Variants in CDH10 observed in about 807,000 individuals in gnomAD.
CDH10 encodes cadherin 10, also known as cadherin-10.
Under a neutral mutation model 73.1 loss-of-function variants are expected in CDH10, and 30 were observed. That is an observed-to-expected ratio of 0.41 (90% CI 0.31 to 0.56). The LOEUF (loss-of-function observed/expected upper bound fraction) is 0.56. Among genes scored for constraint, CDH10 ranks in the 20% least tolerant of loss-of-function variants. CDH10 has a pLI of 0.27. For synonymous variants in CDH10, 345 were observed against 348.2 expected (o/e 0.99, Z 0.10); for missense variants, 815 against 973.7 (o/e 0.84, Z 2.17).
intron 5 of CDH10, among the ~76,000 whole-genome samples, chr5:24,517,924 T>C (rs4235529): frequency 0.95 from 144,717 of 152,194 alleles, 68,897 homozygotes; most frequent in East Asian, 1. Context: ...GGTTTAAGGG[T>C]GATCCAGATG....
rs553525385 is a variant in CDH10, at chr5:24,591,426, G to A, written c.231+1834C>T. 2.6e-3 allele frequency among the ~76,000 whole-genome samples: 398 copies of A among 152,008 alleles called. 2 individuals carry two copies. The highest frequency in any genetic ancestry group is 4.9e-3 in the Admixed American group (74 of 15,250). On this transcript the variant is annotated intron_variant, in intron 2 of 11. Coordinates refer to ENST00000264463, the MANE Select transcript of CDH10 (RefSeq NM_006727.5). ...AGTTCAGCACAGTCTACATGGAAAA[G>A]AACTGATGAACACATTCATAAATTC...
At chr5:24,608,755 C>A (rs750344001) in intron 1 of CDH10, among the ~76,000 whole-genome samples, 9 of 152,166 alleles carry the variant, frequency 5.9e-5, no homozygotes, top group Admixed American at 5.9e-4. Flanking sequence ...GAACCAGATA[C>A]TTTGCTATAT....
At position 24,598,137 on chromosome 5, in the gene CDH10, C is replaced by T. The variant is rs566677435; in HGVS notation, c.-123-4524G>A. On this transcript the variant is annotated intron_variant, in intron 1 of 11. Transcript: ENST00000264463. Reference sequence around the variant, plus strand: ...AAAATGAGTCAGTGCATACTAAATGCATACTAAATACTTCCTTTTTATTCA... The same window carrying T: ...AAAATGAGTCAGTGCATACTAAATGTATACTAAATACTTCCTTTTTATTCA... 5.3e-5 allele frequency among the ~76,000 whole-genome samples: 8 copies of T among 151,960 alleles called. No homozygotes were observed. In the East Asian group the frequency reaches 1.6e-3, roughly 29 times the overall value.
At chr5:24,589,125 T>C (rs1373360272) in intron 2 of CDH10, among the ~76,000 whole-genome samples, 6 of 152,104 alleles carry the variant, frequency 3.9e-5, no homozygotes, top group African/African-American at 1.4e-4. Context: ...AATACTGGAG[T>C]GGTACCTAGA....
chr5:24,614,855 C>T lies in CDH10; in HGVS notation c.-123-21242G>A, dbSNP rs532717404. Reference sequence around the variant, plus strand: ...CTAATTATTCTGTGAAAATCCAAGGCGGCAGGACTTATTTTTTGTGTGGTT... The same window carrying T: ...CTAATTATTCTGTGAAAATCCAAGGTGGCAGGACTTATTTTTTGTGTGGTT... On this transcript the variant is annotated intron_variant, in intron 1 of 11. Coordinates refer to ENST00000264463, the MANE Select transcript of CDH10 (RefSeq NM_006727.5). Among the ~76,000 whole-genome samples, 3 of 152,268 alleles carry T rather than the reference C, an allele frequency of 2.0e-5. No individual in the cohort carries two copies. The East Asian group carries it at 5.8e-4, about 29-fold the overall frequency.
At chr5:24,533,598 G>C (rs540914673) in intron 5 of CDH10, among the ~76,000 whole-genome samples, 68 of 151,964 alleles carry the variant, frequency 4.5e-4, no homozygotes, top group African/African-American at 1.3e-3. Flanking sequence ...GCTCATTGTG[G>C]ATTATGCAAT....
chr5:24,498,607 C>A (rs1330148481), intron 8 of CDH10, 88 bp from the exon 9 acceptor site: 1 of 805,596 alleles, frequency 1.2e-6, no homozygotes, highest in South Asian at 1.7e-5. Context: ...GTATGAAGTG[C>A]TCACATACAA....
intron 5 of CDH10, among the ~76,000 whole-genome samples, chr5:24,512,856 C>G (rs1742968834): frequency 6.6e-6 from 1 of 151,380 alleles, no homozygotes; most frequent in Non-Finnish European, 1.5e-5. Context: ...TAGCTTGTCA[C>G]AGTCTTGCCT....
In CDH10 at chr5:24,537,523, C is replaced by T. The variant is rs369925572; in HGVS notation, c.383G>A (p.Arg128His). ...DREEKAFYTL[R>H]AQAINRRTLR... ...AGTTCTTCTGTTAATAGCTTGTGCGCGTAGAGTATAAAAGGCCTTTTCCTC... is the reference window on the plus strand; with the variant it reads ...AGTTCTTCTGTTAATAGCTTGTGCGTGTAGAGTATAAAAGGCCTTTTCCTC... Residue 128 changes from arginine (R) to histidine (H), a missense_variant, in exon 3 of 12, where the codon CGC becomes CAC. Transcript: ENST00000264463. 1.2e-5 allele frequency: 20 copies of T among 1,613,156 alleles called. No homozygotes were observed. The highest frequency in any genetic ancestry group is 3.3e-5 in the Admixed American group (2 of 59,902).
At chr5:24,643,814 C>T (rs1748131651) in intron 1 of CDH10, among the ~76,000 whole-genome samples, 1 of 152,196 alleles carries the variant, frequency 6.6e-6, no homozygotes, top group Non-Finnish European at 1.5e-5. Context: ...AGTTACAGTG[C>T]TATCAATAGT....
intron 2 of CDH10, among the ~76,000 whole-genome samples, chr5:24,567,918 T>C (rs1200098931): frequency 6.6e-6 from 1 of 152,114 alleles, no homozygotes; most frequent in Non-Finnish European, 1.5e-5. Flanking sequence ...GTCAGCAGTG[T>C]TGATATAAAA....
At chr5:24,615,785 G>A (rs575458255) in intron 1 of CDH10, among the ~76,000 whole-genome samples, 2 of 152,216 alleles carry the variant, frequency 1.3e-5, no homozygotes, top group South Asian at 4.1e-4. Flanking sequence ...AATCATATAT[G>A]CAATTCAACA....
At chr5:24,572,349 T>A (rs1327946382) in intron 2 of CDH10, among the ~76,000 whole-genome samples, 4 of 152,014 alleles carry the variant, frequency 2.6e-5, no homozygotes, top group African/African-American at 9.7e-5. Flanking sequence ...ATTCGGCAGA[T>A]CTAGAAGGAA....
chr5:24,505,234 C>T lies in CDH10; in HGVS notation c.1271G>A (p.Arg424His), dbSNP rs770143615. The T allele has an allele frequency of 1.1e-5, 17 of 1,612,190 alleles. No individual in the cohort carries two copies. The highest frequency in any genetic ancestry group is 4.5e-5 in the East Asian group (2 of 44,780). Residue 424 changes from arginine (R) to histidine (H), a missense_variant, in exon 8 of 12, where the codon CGC (arginine) becomes CAC (histidine). Arg to His is a conservative substitution (Grantham distance 29, BLOSUM62 0). Transcript: ENST00000264463. ...AAAGATTCTGTCAAGGTCAGTATGG[C>T]GATCCAAGGAAAATCTGAACATGGA... ...ISSPIRFSLD[R>H]HTDLDRIFNI...
intron 4 of CDH10, 45 bp downstream of exon 4, chr5:24,535,658 C>A (rs766594935): frequency 6.4e-7 from 1 of 1,569,010 alleles, no homozygotes; most frequent in South Asian, 1.1e-5. Flanking sequence ...TGATAAAGGT[C>A]ATAAAGATGA....
chr5:24,502,148 A>T (rs1249944860), intron 8 of CDH10, among the ~76,000 whole-genome samples: 7 of 151,808 alleles, frequency 4.6e-5, no homozygotes, highest in Non-Finnish European at 7.4e-5. Flanking sequence ...GGTCTCGATC[A>T]CCTGACCTCG....
chr5:24,643,835 G>A (rs904406689), intron 1 of CDH10, among the ~76,000 whole-genome samples: 7 of 151,986 alleles, frequency 4.6e-5, no homozygotes, highest in African/African-American at 1.5e-4. Flanking sequence ...TACTTGTTGG[G>A]GACATGCATT....
intron 1 of CDH10, among the ~76,000 whole-genome samples, chr5:24,621,232 A>G (rs570079615): frequency 6.6e-6 from 1 of 152,136 alleles, no homozygotes; most frequent in Non-Finnish European, 1.5e-5. Context: ...CCCAAAGAAG[A>G]AACTGAGTCT....
At chr5:24,607,194 G>C (rs915238930) in intron 1 of CDH10, among the ~76,000 whole-genome samples, 3 of 152,118 alleles carry the variant, frequency 2.0e-5, no homozygotes, top group African/African-American at 7.2e-5. Context: ...ATTGATGTCA[G>C]CACACGGGCT....
Sources: gnomAD v4.1 joint callset for allele counts (sites outside exome capture counted in the v4.1 genomes callset) on GRCh38, gnomAD v4.1.1 for gene constraint, MANE v1.5 for transcripts, NCBI Gene and HGNC (gene_info 2026-07-23, HGNC 2026-07-21) for gene names.